MSR1: variants seen among roughly 807,000 people sequenced by gnomAD.
MSR1 encodes the protein macrophage scavenger receptor 1, also known as macrophage scavenger receptor types I and II.
MSR1 carries 53 observed loss-of-function variants against 47.2 expected under a neutral mutation model. The observed-to-expected ratio is 1.12, with a 90% CI of 0.90 to 1.41. The LOEUF (loss-of-function observed/expected upper bound fraction) is 1.41. Among genes scored for constraint, MSR1 ranks in the 40% most tolerant of loss-of-function variants. The pLI is 0.00. For missense variants in MSR1, 786 were observed against 546.9 expected (o/e 1.44, Z -4.36); for synonymous variants, 239 against 185.6 (o/e 1.29, Z -2.34).
chr8:16,113,840 A>G (rs1051017444), intron 9 of MSR1, among the ~76,000 whole-genome samples: 7 of 152,134 alleles, frequency 4.6e-5, no homozygotes, highest in Non-Finnish European at 1.0e-4. Flanking sequence ...TGGAGAAAGC[A>G]TGGTATGAGA....
At chr8:16,160,561 G>T (rs1801132852) in intron 5 of MSR1, among the ~76,000 whole-genome samples, 1 of 151,966 alleles carries the variant, frequency 6.6e-6, no homozygotes, top group African/African-American at 2.4e-5. Context: ...CAAATGTAGA[G>T]ATGACATGAT....
In MSR1 at chr8:16,150,284, C is replaced by A; in HGVS notation, c.926G>T (p.Gly309Val). Reference protein sequence around the residue: ...IGPPGLKGDRGAIGFPGSRGL... With the variant: ...IGPPGLKGDRVAIGFPGSRGL... ...TCGACTTCCAGGAAAGCCAATTGCT[C>A]CCCGATCACCTTTAAGACCCGGAGG... Residue 309 changes from glycine to valine, a missense_variant, in exon 7 of 10, where the codon GGA becomes GTA. Physicochemically the swap from Gly to Val is moderately radical, Grantham distance 109. Coordinates refer to ENST00000262101, the MANE Select transcript of MSR1 (RefSeq NM_138715.3). 6.4e-7 allele frequency: 1 copy of A among 1,570,340 alleles called. No homozygotes were observed. Among genetic ancestry groups the A allele is most frequent in the Admixed American group, 1.8e-5 (1 of 56,584 alleles).
At chr8:16,118,612 G>C (rs1276048648) in intron 9 of MSR1, among the ~76,000 whole-genome samples, 1 of 152,072 alleles carries the variant, frequency 6.6e-6, no homozygotes, top group African/African-American at 2.4e-5. Context: ...CCAGGAGGCA[G>C]AGGTTGCAGT....
At chr8:16,144,035 A>G (rs934958061) in intron 7 of MSR1, among the ~76,000 whole-genome samples, 31 of 152,132 alleles carry the variant, frequency 2.0e-4, no homozygotes, top group Non-Finnish European at 2.9e-5. Flanking sequence ...ACCATCCCCA[A>G]AAACTGGGCT....
At chr8:16,128,783 T>C (rs927279217) in intron 8 of MSR1, among the ~76,000 whole-genome samples, 1 of 152,102 alleles carries the variant, frequency 6.6e-6, no homozygotes, top group African/African-American at 2.4e-5. Flanking sequence ...TTTCCGAAAA[T>C]AATCACTTTG....
rs35778274 is a variant in MSR1, at chr8:16,175,269, T to G, written c.135A>C (p.Lys45Asn). 6.2e-7 allele frequency: 1 copy of G among 1,613,980 alleles called. No homozygotes were observed. Among genetic ancestry groups the G allele is most frequent in the Non-Finnish European group, 8.5e-7 (1 of 1,180,004 alleles). ...NPKNSPSLQEKLKSFKAALIA... is the reference protein window; with the variant it reads ...NPKNSPSLQENLKSFKAALIA... Reference sequence around the variant, plus strand: ...TCAGTGCAGCTTTGAAGGACTTCAGTTTCTCTTGAAGGGAAGGGCTGTTTT... The same window carrying G: ...TCAGTGCAGCTTTGAAGGACTTCAGGTTCTCTTGAAGGGAAGGGCTGTTTT... The change falls in exon 3 of 10, where the codon AAA (lysine) becomes AAC (asparagine). Residue 45 changes from lysine to asparagine, a missense_variant. Transcript: ENST00000262101.
In MSR1 at chr8:16,138,950, G is replaced by A. The variant is rs534985501; in HGVS notation, c.1033+4608C>T. The stretch of plus-strand genomic sequence containing the variant: ...AATTTTCTCATCAGCATTGTCTTGG[G>A]CCCATGCTTTGTTCTTCAGAGACTG... On this transcript the variant is annotated intron_variant, in intron 8 of 9. Coordinates refer to ENST00000262101, the MANE Select transcript of MSR1 (RefSeq NM_138715.3). Among the ~76,000 whole-genome samples the A allele has an allele frequency of 3.9e-5, 6 of 152,228 alleles. No homozygotes were observed. The South Asian group carries it at 1.0e-3, about 26-fold the overall frequency.
chr8:16,187,406 CAAG>C (rs1802035784), intron 1 of MSR1, among the ~76,000 whole-genome samples: 1 of 48,810 alleles, frequency 2.0e-5, no homozygotes, highest in Non-Finnish European at 5.1e-5. Flanking sequence ...AAAGAAAAAG[CAAG>C]CAAGCAAGCA....
intron 3 of MSR1, among the ~76,000 whole-genome samples, chr8:16,171,517 A>G (rs1053049842): frequency 1.3e-5 from 2 of 152,138 alleles, no homozygotes; most frequent in African/African-American, 4.8e-5. Context: ...GTATCTCATC[A>G]CATTTATTAA....
At chr8:16,144,748 G>T (rs77878589) in intron 7 of MSR1, among the ~76,000 whole-genome samples, 1,644 of 152,124 alleles carry the variant, frequency 0.011, 31 homozygotes, top group African/African-American at 0.037. Flanking sequence ...ACACATAAAA[G>T]ATCTAGTTCT....
intron 8 of MSR1, among the ~76,000 whole-genome samples, chr8:16,141,652 T>A (rs1800559816): frequency 6.6e-6 from 1 of 152,108 alleles, no homozygotes; most frequent in African/African-American, 2.4e-5. Context: ...AGAGGCTGTA[T>A]ACAAACATCT....
intron 9 of MSR1, among the ~76,000 whole-genome samples, chr8:16,119,927 G>A (rs946758281): frequency 2.1e-5 from 3 of 140,488 alleles, no homozygotes; most frequent in Admixed American, 7.6e-5. Flanking sequence ...TGTTGTCCAC[G>A]CTGGTCTTGA....
intron 9 of MSR1, among the ~76,000 whole-genome samples, chr8:16,116,958 T>C (rs1052899931): frequency 2.0e-5 from 3 of 151,930 alleles, no homozygotes; most frequent in South Asian, 2.1e-4. Context: ...GTACATATAC[T>C]ACTACTGTTG....
intron 5 of MSR1, among the ~76,000 whole-genome samples, chr8:16,157,821 C>T (rs1205375559): frequency 6.6e-6 from 1 of 151,892 alleles, no homozygotes; most frequent in Non-Finnish European, 1.5e-5. Flanking sequence ...TTAATCTAGT[C>T]TGAATGTGTT....
At chr8:16,126,479 G>C (rs142895518) in intron 8 of MSR1, among the ~76,000 whole-genome samples, 190 of 152,112 alleles carry the variant, frequency 1.2e-3, no homozygotes, top group African/African-American at 4.3e-3. Flanking sequence ...AAAAAAATCT[G>C]GTTGCAGTTT....
chr8:16,137,118 G>A (rs1376499138), intron 8 of MSR1, among the ~76,000 whole-genome samples: 1 of 152,066 alleles, frequency 6.6e-6, no homozygotes, highest in Non-Finnish European at 1.5e-5. Context: ...GGCTGAGCCC[G>A]TTAGCAAAAT....
chr8:16,186,093 T>A, intron 1 of MSR1: 5 of 1,302,386 alleles, frequency 3.8e-6, no homozygotes, highest in Non-Finnish European at 5.3e-6. Flanking sequence ...CCTTGCAAGA[T>A]TGGCAGTAAT....
At chr8:16,156,604 G>A (rs1801017654) in intron 5 of MSR1, among the ~76,000 whole-genome samples, 1 of 151,696 alleles carries the variant, frequency 6.6e-6, no homozygotes, top group Admixed American at 6.6e-5. Flanking sequence ...CTACTTATAG[G>A]AAACATAAAA....
At chr8:16,166,059 A>G (rs913934999) in intron 4 of MSR1, among the ~76,000 whole-genome samples, 2 of 152,084 alleles carry the variant, frequency 1.3e-5, no homozygotes, top group African/African-American at 4.8e-5. Context: ...AGTTCCAGAC[A>G]TTCAGCATAA....
Sources: gnomAD v4.1 joint callset for allele counts (sites outside exome capture counted in the v4.1 genomes callset) on GRCh38, gnomAD v4.1.1 for gene constraint, MANE v1.5 for transcripts, NCBI Gene and HGNC (gene_info 2026-07-23, HGNC 2026-07-21) for gene names.